PACS2: variants seen among roughly 807,000 people sequenced by gnomAD.
PACS2 encodes the protein PACS1-like protein.
A neutral mutation model predicts 113.0 loss-of-function variants in PACS2; 36 were observed. The observed-to-expected ratio is 0.32, with a 90% CI of 0.24 to 0.42. The LOEUF (loss-of-function observed/expected upper bound fraction) is 0.42. Ranked by LOEUF, PACS2 falls within the 10% of genes least tolerant of loss-of-function variation. The pLI, the probability that PACS2 is intolerant of heterozygous loss-of-function variation, is 1.00. For synonymous variants in PACS2, 589 were observed against 536.1 expected, an observed-to-expected ratio of 1.10 and a Z score of -1.36; for missense variants, 1,015 against 1,239.5, an observed-to-expected ratio of 0.82 and a Z score of 2.72.
chr14:105,324,034 T>C lies in PACS2; in HGVS notation c.119+8997T>C, dbSNP rs1183359534. Among the ~76,000 whole-genome samples the C allele has an allele frequency of 6.6e-6, 1 of 152,218 alleles. No individual in the cohort carries two copies. Among genetic ancestry groups the C allele is most frequent in the Non-Finnish European group, 1.5e-5 (1 of 68,034 alleles). ...AGTCACATGTCAGTGGGTCTCCTGC[T>C]GGGGACTGGCTTTTGTGCAGGAGAT... On this transcript the variant is annotated intron_variant, in intron 1 of 24. Coordinates refer to ENST00000447393, the MANE Select transcript of PACS2 (RefSeq NM_001100913.3). The surrounding 1 kb of genome is among the most constrained non-coding windows in gnomAD (Gnocchi z 4.7).
intron 19 of PACS2, 74 bp from the exon 20 acceptor site, chr14:105,389,887 C>A: frequency 7.2e-7 from 1 of 1,384,932 alleles, no homozygotes; most frequent in Non-Finnish European, 1.0e-6. Flanking sequence ...GGTTCTCAGG[C>A]CAAGAGGGAG....
At chr14:105,331,213 C>T (rs2059292645) in intron 1 of PACS2, among the ~76,000 whole-genome samples, 1 of 152,204 alleles carries the variant, frequency 6.6e-6, no homozygotes, top group Admixed American at 6.5e-5. Flanking sequence ...CCTCGGCCTC[C>T]CAAAGTGCTG....
At chr14:105,338,328 C>T (rs1439307827) in intron 1 of PACS2, among the ~76,000 whole-genome samples, 2 of 152,208 alleles carry the variant, frequency 1.3e-5, no homozygotes, top group Non-Finnish European at 2.9e-5. Context: ...CCTGAAATGT[C>T]ACTTGTTCTG....
At chr14:105,319,906 A>G (rs2058824692) in intron 1 of PACS2, among the ~76,000 whole-genome samples, 1 of 152,244 alleles carries the variant, frequency 6.6e-6, no homozygotes, top group Non-Finnish European at 1.5e-5. Context: ...ATAATCAAGT[A>G]CTTTCATTAA....
rs782414555 is a variant in PACS2, at chr14:105,383,583, TGTGGC to T, written c.1780+84_1780+88del. 8.1e-4 allele frequency: 1,185 copies of T among 1,465,170 alleles called. 2 individuals are homozygous for T. The highest frequency in any genetic ancestry group is 2.7e-3 in the African/African-American group (194 of 71,730). The allele number at this position is 1,465,170 out of a possible 1,614,324, so 90.8% of individuals were successfully genotyped here. A position where few individuals can be genotyped will look rare whatever the true frequency, so the allele number is the denominator to read the frequency against. On this transcript the variant is annotated intron_variant, in intron 16 of 24. Coordinates refer to ENST00000447393, the MANE Select transcript of PACS2 (RefSeq NM_001100913.3). ...GGCAGTGTGGCGTGGCATGGAGTGGTGTGGCGTGGCGTGGCGTGTTGTGTGGCGTG... is the reference window on the plus strand; with the variant it reads ...GGCAGTGTGGCGTGGCATGGAGTGGTGTGGCGTGGCGTGTTGTGTGGCGTG...
At chr14:105,377,952 C>T (rs1432016619) in intron 9 of PACS2, among the ~76,000 whole-genome samples, 2 of 152,208 alleles carry the variant, frequency 1.3e-5, no homozygotes, top group Non-Finnish European at 1.5e-5. Context: ...AGTTCAGCTC[C>T]GTGTGGCTGC....
At chr14:105,341,609 C>A (rs149524080) in intron 1 of PACS2, among the ~76,000 whole-genome samples, 3 of 152,204 alleles carry the variant, frequency 2.0e-5, no homozygotes, top group African/African-American at 7.2e-5. Context: ...AACCTTTAGG[C>A]CTCGCTCTCA....
intron 8 of PACS2, 117 bp downstream of exon 8, chr14:105,370,017 C>A: frequency 1.1e-6 from 1 of 894,372 alleles, no homozygotes; most frequent in African/African-American, 1.6e-5. Context: ...ACCGTCTGCA[C>A]GGCCCCGCCA....
chr14:105,393,051 C>T (rs2081414368), intron 23 of PACS2, among the ~76,000 whole-genome samples, 171 bp from the exon 24 acceptor site: 1 of 152,190 alleles, frequency 6.6e-6, no homozygotes, highest in South Asian at 2.1e-4. Flanking sequence ...CGGAGGCCAG[C>T]TGGGTGGGCA....
In PACS2 at chr14:105,314,931, G is replaced by T; in HGVS notation, c.13G>T (p.Gly5Cys). Residue 5 changes from glycine to cysteine, a missense_variant, in exon 1 of 25, where the codon GGC becomes TGC. Gly to Cys is a radical substitution (Grantham distance 159). Around this residue, in one of 3 missense-constraint regions of PACS2, gnomAD observed 140 missense variants for 135.1 expected, o/e 1.04. Coordinates refer to ENST00000447393, the MANE Select transcript of PACS2 (RefSeq NM_001100913.3). MAERGRLGLPGAPGA... is the reference protein window; with the variant it reads MAERCRLGLPGAPGA... ...CGGGGCCGGCGCCATGGCCGAGCGA[G>T]GCCGCCTCGGCCTCCCCGGCGCGCC... The T allele has an allele frequency of 9.1e-7, 1 of 1,101,176 alleles. No homozygotes were observed. The highest frequency in any genetic ancestry group is 2.4e-5 in the South Asian group (1 of 42,286). The allele number at this position is 1,101,176 out of a possible 1,614,324, so 68.2% of individuals were successfully genotyped here. A position where few individuals can be genotyped will look rare whatever the true frequency, so the allele number is the denominator to read the frequency against.
intron 1 of PACS2, among the ~76,000 whole-genome samples, chr14:105,331,906 T>C (rs772504220): frequency 2.6e-5 from 4 of 152,224 alleles, no homozygotes; most frequent in Non-Finnish European, 5.9e-5. Context: ...ACAGAGTTCT[T>C]CTAGGTTGAC....
At chr14:105,322,719 C>G (rs1406253383) in intron 1 of PACS2, among the ~76,000 whole-genome samples, 1 of 152,182 alleles carries the variant, frequency 6.6e-6, no homozygotes, top group Non-Finnish European at 1.5e-5. Flanking sequence ...TCTTGTGAAG[C>G]CCACAAGATG....
intron 8 of PACS2, chr14:105,371,487 T>C (rs1320005304): frequency 6.6e-6 from 1 of 152,244 alleles, no homozygotes; most frequent in Non-Finnish European, 1.5e-5. Flanking sequence ...ATCGTTTTCA[T>C]AGGGATAATT....
At chr14:105,350,653 G>C (rs587720292) in intron 2 of PACS2, among the ~76,000 whole-genome samples, 2 of 152,178 alleles carry the variant, frequency 1.3e-5, no homozygotes, top group Non-Finnish European at 2.9e-5. Flanking sequence ...GCCTGGCCCC[G>C]CAGCCCCACC....
chr14:105,368,542 T>C lies in PACS2; in HGVS notation c.741+3T>C, dbSNP rs1555408572. 1 of 1,609,818 alleles carries C rather than the reference T, an allele frequency of 6.2e-7. No individual in the cohort carries two copies. Among genetic ancestry groups the C allele is most frequent in the Non-Finnish European group, 8.5e-7 (1 of 1,176,214 alleles). On this transcript the variant is annotated splice_donor_region_variant and intron_variant, in intron 7 of 24. Transcript: ENST00000447393. Reference sequence around the variant, plus strand: ...TAAGAACGACGTCCATGACCAGGGTTGGTGGAGACTGCTTCTATGAATGCT... The same window carrying C: ...TAAGAACGACGTCCATGACCAGGGTCGGTGGAGACTGCTTCTATGAATGCT...
intron 19 of PACS2, chr14:105,389,473 C>A (rs1024389981): frequency 4.0e-5 from 7 of 176,680 alleles, no homozygotes; most frequent in Admixed American, 1.1e-4. Flanking sequence ...ACTTCTGCAC[C>A]CTGGCTTTGG....
chr14:105,383,223 G>T, intron 15 of PACS2, 136 bp from the exon 16 acceptor site: 1 of 995,244 alleles, frequency 1.0e-6, no homozygotes, highest in Non-Finnish European at 1.6e-6. Flanking sequence ...TCCTGGGCTT[G>T]GGCAGCTCCA....
Position 105,356,566 on chromosome 14 carries a change from T to C in PACS2, c.423+1389T>C, listed in dbSNP as rs188704476. 1.3e-5 allele frequency among the ~76,000 whole-genome samples: 2 copies of C among 152,290 alleles called. No homozygotes were observed. The highest frequency in any genetic ancestry group is 1.9e-4 in the East Asian group (1 of 5,182). ...GGTAGCTCAGGGATGCTCTCTGGGC[T>C]GTGAGAGCCTCCTGGGAGCCACCGC... On this transcript the variant is annotated intron_variant, in intron 4 of 24. Transcript: ENST00000447393. This position sits in a 1 kb window ranked among gnomAD's most constrained non-coding sequence, Gnocchi z 4.0.
chr14:105,352,905 C>G (rs1364597074), intron 3 of PACS2, among the ~76,000 whole-genome samples: 2 of 130,042 alleles, frequency 1.5e-5, no homozygotes, highest in Non-Finnish European at 3.3e-5. Context: ...GTGACGGGCC[C>G]CCTCATCACT....
Sources: allele counts gnomAD v4.1 joint callset (sites outside exome capture counted in the v4.1 genomes callset), GRCh38; gene constraint gnomAD v4.1.1; regional missense constraint gnomAD v4.1.1; non-coding constraint Gnocchi (gnomAD v3.1); transcripts MANE v1.5; gene names NCBI Gene and HGNC (gene_info 2026-07-23, HGNC 2026-07-21).